The following MAGED1 variants were observed in gnomAD, a reference collection of about 807,000 sequenced individuals.
The protein encoded by MAGED1 is MAGE family member D1.
In MAGED1, 3 loss-of-function variants were observed where a neutral mutation model predicts 54.1. The ratio of observed to expected loss-of-function variants is 0.06; its 90% CI spans 0.03 to 0.14. The LOEUF (loss-of-function observed/expected upper bound fraction) is 0.14. Ranked by LOEUF, MAGED1 falls within the 10% of genes least tolerant of loss-of-function variation. The pLI is 1.00. For missense variants in MAGED1, 485 were observed against 623.4 expected (o/e 0.78, Z 2.36); for synonymous variants, 217 against 227.3 (o/e 0.95, Z 0.41).
chrX:51,844,172 C>G (rs1309370612), intron 1 of MAGED1, among the ~76,000 whole-genome samples: 3 of 111,566 alleles, frequency 2.7e-5, no homozygotes, highest in Non-Finnish European at 3.8e-5. Context: ...TTTCCAGGTT[C>G]CCAAATTGTT....
At chrX:51,814,006 G>C (rs1268987738) in intron 1 of MAGED1, among the ~76,000 whole-genome samples, 1 of 111,194 alleles carries the variant, frequency 9.0e-6, no homozygotes, top group East Asian at 2.8e-4. Context: ...GTGTCTTAAC[G>C]TAAAGCTGTG....
At chrX:51,851,841 G>A (rs560639268) in intron 1 of MAGED1, among the ~76,000 whole-genome samples, 2 of 111,453 alleles carry the variant, frequency 1.8e-5, no homozygotes, top group East Asian at 5.6e-4. Context: ...AATATTTTTG[G>A]ACTGTAGTTT....
intron 1 of MAGED1, among the ~76,000 whole-genome samples, chrX:51,814,743 G>A (rs1328825989): frequency 1.8e-5 from 2 of 110,360 alleles, no homozygotes; most frequent in Non-Finnish European, 3.8e-5. Flanking sequence ...CGTTACTCAC[G>A]TATTTATGGT....
At chrX:51,812,254 G>C (rs1557355589) in intron 1 of MAGED1, among the ~76,000 whole-genome samples, 1 of 111,597 alleles carries the variant, frequency 9.0e-6, no homozygotes. Flanking sequence ...GAGAGCAAGT[G>C]GTCATTGGTC....
chrX:51,838,220 A>T (rs978221193), intron 1 of MAGED1, among the ~76,000 whole-genome samples: 4 of 112,676 alleles, frequency 3.6e-5, no homozygotes, highest in African/African-American at 1.3e-4. Flanking sequence ...TTCCAGAAAG[A>T]TGAAGAGGTT....
chrX:51,820,828 A>G (rs782087914), intron 1 of MAGED1, among the ~76,000 whole-genome samples: 3 of 111,666 alleles, frequency 2.7e-5, no homozygotes, highest in Non-Finnish European at 3.8e-5. Flanking sequence ...TAGTCATTCT[A>G]CTGTTCAATA....
chrX:51,807,927 A>G (rs1231630659), intron 1 of MAGED1, among the ~76,000 whole-genome samples: 1 of 111,456 alleles, frequency 9.0e-6, no homozygotes, highest in African/African-American at 3.3e-5. Context: ...GAGCTAGTCA[A>G]TTTCTACAAA....
intron 1 of MAGED1, among the ~76,000 whole-genome samples, chrX:51,863,485 G>A (rs1040860872): frequency 5.4e-5 from 6 of 111,749 alleles, no homozygotes; most frequent in Non-Finnish European, 9.4e-5. Context: ...TATCTCCTTT[G>A]GATATACACC....
chrX:51,818,770 C>G (rs1162912559), intron 1 of MAGED1, among the ~76,000 whole-genome samples: 2 of 111,846 alleles, frequency 1.8e-5, no homozygotes, highest in African/African-American at 3.3e-5. Flanking sequence ...TAAGAGTTGC[C>G]CCATTTGGGG....
At chrX:51,838,258 A>C (rs1156743344) in intron 1 of MAGED1, among the ~76,000 whole-genome samples, 1 of 112,620 alleles carries the variant, frequency 8.9e-6, no homozygotes, top group Non-Finnish European at 1.9e-5. Context: ...AATAAAATAC[A>C]AATTGTTGCT....
intron 1 of MAGED1, among the ~76,000 whole-genome samples, chrX:51,808,814 AT>A (rs1162419934): frequency 8.9e-6 from 1 of 112,240 alleles, no homozygotes; most frequent in Admixed American, 9.4e-5. Context: ...ATTCTCACCC[AT>A]TTTTTTCCAC....
chrX:51,822,643 T>C (rs1925680298), intron 1 of MAGED1, among the ~76,000 whole-genome samples: 1 of 111,111 alleles, frequency 9.0e-6, no homozygotes, highest in Non-Finnish European at 1.9e-5. Flanking sequence ...TTTCTTGTTT[T>C]TCATATATTT....
At chrX:51,862,911 G>A (rs1256077096) in intron 1 of MAGED1, among the ~76,000 whole-genome samples, 1 of 111,687 alleles carries the variant, frequency 9.0e-6, no homozygotes, top group South Asian at 3.8e-4. Flanking sequence ...AATATACATT[G>A]GGAAATGATT....
intron 1 of MAGED1, among the ~76,000 whole-genome samples, chrX:51,807,453 A>AT (rs782781629): frequency 1.8e-5 from 2 of 109,844 alleles, no homozygotes; most frequent in African/African-American, 3.3e-5. Context: ...TCCGTTCATT[A>AT]TTTTTTTTCA....
chrX:51,861,273 A>G, intron 1 of MAGED1, among the ~76,000 whole-genome samples: 1 of 111,743 alleles, frequency 8.9e-6, no homozygotes, highest in East Asian at 2.8e-4. Flanking sequence ...ATATTATAGC[A>G]AGACCTATGT....
chrX:51,811,486 C>T (rs782053068), intron 1 of MAGED1, among the ~76,000 whole-genome samples: 1 of 111,773 alleles, frequency 8.9e-6, no homozygotes, highest in South Asian at 3.7e-4. Context: ...AATTTTGGGA[C>T]CGTGAGTGTG....
intron 1 of MAGED1, among the ~76,000 whole-genome samples, chrX:51,841,867 C>T (rs140439503): frequency 0.012 from 1,307 of 111,647 alleles, 23 homozygotes; most frequent in African/African-American, 0.04. Flanking sequence ...AGTCAGGTAG[C>T]GTGATGCCTC....
At chrX:51,804,947 C>G (rs1465164269) in intron 1 of MAGED1, among the ~76,000 whole-genome samples, 1 of 111,834 alleles carries the variant, frequency 8.9e-6, no homozygotes, top group Non-Finnish European at 1.9e-5. Flanking sequence ...TCCCATTCCC[C>G]TAGTGGTCAC....
intron 1 of MAGED1, among the ~76,000 whole-genome samples, chrX:51,850,017 C>G (rs1170020586): frequency 9.0e-6 from 1 of 110,726 alleles, no homozygotes; most frequent in Admixed American, 9.6e-5. Context: ...ACTGCAACCT[C>G]TGCCTCTGAG....
Sources: gnomAD v4.1 joint callset for allele counts (sites outside exome capture counted in the v4.1 genomes callset) on GRCh38, gnomAD v4.1.1 for gene constraint, MANE v1.5 for transcripts, NCBI Gene and HGNC (gene_info 2026-07-23, HGNC 2026-07-21) for gene names.